CNTNAP2: variants seen among roughly 807,000 people sequenced by gnomAD.
CNTNAP2 encodes contactin associated protein 2.
Under a neutral mutation model 155.2 loss-of-function variants are expected in CNTNAP2, and 98 were observed. The observed-to-expected ratio is 0.63, with a 90% CI of 0.54 to 0.75. The LOEUF (loss-of-function observed/expected upper bound fraction) is 0.75. Among genes scored for constraint, CNTNAP2 ranks in the 30% least tolerant of loss-of-function variants. The pLI is 0.00. For missense variants in CNTNAP2, 1,727 were observed against 1,688.1 expected (o/e 1.02, Z -0.40); for synonymous variants, 651 against 631.2 (o/e 1.03, Z -0.47).
At chr7:146,798,498 G>A (rs1416356240) in intron 2 of CNTNAP2, among the ~76,000 whole-genome samples, 1 of 151,916 alleles carries the variant, frequency 6.6e-6, no homozygotes, top group Non-Finnish European at 1.5e-5. Context: ...TGCACCATCA[G>A]TACCTAGCTA....
chr7:146,915,764 G>T (rs1796380723), intron 3 of CNTNAP2: 1 of 151,782 alleles, frequency 6.6e-6, no homozygotes, highest in Non-Finnish European at 1.5e-5. Flanking sequence ...TATATCATCA[G>T]CAAAAACAGT....
intron 13 of CNTNAP2, among the ~76,000 whole-genome samples, chr7:147,887,061 T>A (rs1799613988): frequency 6.6e-6 from 1 of 152,200 alleles, no homozygotes; most frequent in Admixed American, 6.5e-5. Context: ...TCACATTGTA[T>A]AATAAAATAT....
intron 8 of CNTNAP2, among the ~76,000 whole-genome samples, chr7:147,270,198 C>G (rs939333621): frequency 1.3e-5 from 2 of 152,168 alleles, no homozygotes; most frequent in Non-Finnish European, 2.9e-5. Context: ...CTTTCTATAT[C>G]TATTCTGTCT....
At chr7:147,355,042 C>T (rs6464792) in intron 9 of CNTNAP2, among the ~76,000 whole-genome samples, 71,808 of 151,744 alleles carry the variant, frequency 0.47, 18,219 homozygotes, top group African/African-American at 0.63. Context: ...TGGGCTGAGA[C>T]GATGGGGTTT....
At chr7:147,444,050 T>C (rs1384468375) in intron 10 of CNTNAP2, among the ~76,000 whole-genome samples, 2 of 152,184 alleles carry the variant, frequency 1.3e-5, no homozygotes, top group Non-Finnish European at 2.9e-5. Context: ...TTGGTTTTGT[T>C]CCTATCAGTC....
chr7:146,230,186 A>C (rs531711614), intron 1 of CNTNAP2, among the ~76,000 whole-genome samples: 2 of 152,322 alleles, frequency 1.3e-5, no homozygotes, highest in African/African-American at 4.8e-5. Flanking sequence ...TGCCCTAACT[A>C]TAGGTAGGGA....
chr7:148,054,447 C>T (rs1326578634), intron 15 of CNTNAP2, among the ~76,000 whole-genome samples: 1 of 73,108 alleles, frequency 1.4e-5, no homozygotes, highest in Non-Finnish European at 2.4e-5. Flanking sequence ...TCTCAGTGGC[C>T]TTTTTTTTTT....
At chr7:148,261,257 T>G (rs1192495672) in intron 20 of CNTNAP2, among the ~76,000 whole-genome samples, 1 of 151,686 alleles carries the variant, frequency 6.6e-6, no homozygotes, top group Non-Finnish European at 1.5e-5. Flanking sequence ...GCCTCCCGGG[T>G]TCAAGCGAGT....
At chr7:146,226,385 A>G (rs1036670239) in intron 1 of CNTNAP2, among the ~76,000 whole-genome samples, 11 of 152,200 alleles carry the variant, frequency 7.2e-5, no homozygotes, top group African/African-American at 2.4e-4. Flanking sequence ...AGGGCTAGGC[A>G]TGGTGGCTTA....
chr7:147,365,457 G>A (rs1403760013), intron 9 of CNTNAP2, among the ~76,000 whole-genome samples: 1 of 149,382 alleles, frequency 6.7e-6, no homozygotes, highest in Non-Finnish European at 1.5e-5. Context: ...TATTGTTTCT[G>A]GCTATTGTCA....
chr7:146,286,565 T>C (rs1037354740), intron 1 of CNTNAP2, among the ~76,000 whole-genome samples: 2 of 152,158 alleles, frequency 1.3e-5, no homozygotes, highest in Non-Finnish European at 2.9e-5. Flanking sequence ...AATGTTCTTT[T>C]CAAACAAAAA....
At chr7:146,275,624 A>C (rs1563017947) in intron 1 of CNTNAP2, among the ~76,000 whole-genome samples, 1 of 152,272 alleles carries the variant, frequency 6.6e-6, no homozygotes, top group African/African-American at 2.4e-5. Context: ...CTTCTGGCAA[A>C]TTGGCTATAG....
intron 15 of CNTNAP2, among the ~76,000 whole-genome samples, chr7:148,038,435 C>T (rs1216327951): frequency 1.3e-5 from 2 of 152,136 alleles, no homozygotes; most frequent in Non-Finnish European, 2.9e-5. Flanking sequence ...CTCTTTGTCC[C>T]CTCTCGTCTC....
intron 3 of CNTNAP2, among the ~76,000 whole-genome samples, chr7:146,840,284 GAAGT>G (rs567534027): frequency 2.0e-3 from 303 of 152,290 alleles, no homozygotes; most frequent in Non-Finnish European, 1.6e-3. Flanking sequence ...ATAATTTAGA[GAAGT>G]AAGAGCAGTG....
intron 11 of CNTNAP2, among the ~76,000 whole-genome samples, chr7:147,552,215 A>G (rs956556946): frequency 1.3e-5 from 2 of 152,158 alleles, no homozygotes; most frequent in Non-Finnish European, 2.9e-5. Flanking sequence ...GTTTAAACAC[A>G]ATTCTTTCTG....
At chr7:148,212,755 A>G (rs1795571425) in intron 18 of CNTNAP2, among the ~76,000 whole-genome samples, 1 of 152,110 alleles carries the variant, frequency 6.6e-6, no homozygotes, top group Non-Finnish European at 1.5e-5. Flanking sequence ...CTGATTTGGC[A>G]TTTTCTTAAA....
Position 146,926,211 on chromosome 7 carries a change from C to T in CNTNAP2, c.402+86307C>T, listed in dbSNP as rs532081416. ...TGAATTCTTATATTTCTGATTAGTA[C>T]GTTTCAAATTGTATATTAAAACCAA... On this transcript the variant is annotated intron_variant, in intron 3 of 23. Coordinates refer to ENST00000361727, the MANE Select transcript of CNTNAP2 (RefSeq NM_014141.6). Among the ~76,000 whole-genome samples, 38 of 151,984 alleles carry T rather than the reference C, an allele frequency of 2.5e-4. 1 individual carries two copies. The South Asian group carries it at 7.3e-3, about 29-fold the overall frequency.
chr7:146,852,969 T>G lies in CNTNAP2; in HGVS notation c.402+13065T>G, dbSNP rs565712323. On this transcript the variant is annotated intron_variant, in intron 3 of 23. Coordinates refer to ENST00000361727, the MANE Select transcript of CNTNAP2 (RefSeq NM_014141.6). ...TTCAGCTTTGTTACAGTATACAAAT[T>G]GGAAAACAGAGCTGTGTATGACAGC... 5.3e-5 allele frequency among the ~76,000 whole-genome samples: 8 copies of G among 152,284 alleles called. No homozygotes were observed. The East Asian group carries it at 1.5e-3, about 29-fold the overall frequency.
At chr7:146,558,950 C>A (rs1402764859) in intron 1 of CNTNAP2, among the ~76,000 whole-genome samples, 2 of 152,176 alleles carry the variant, frequency 1.3e-5, no homozygotes, top group Non-Finnish European at 2.9e-5. Flanking sequence ...CAAATCCTGA[C>A]AATTTCTGCA....
Sources: gnomAD v4.1 joint callset for allele counts (sites outside exome capture counted in the v4.1 genomes callset) on GRCh38, gnomAD v4.1.1 for gene constraint, MANE v1.5 for transcripts, NCBI Gene and HGNC (gene_info 2026-07-23, HGNC 2026-07-21) for gene names.